The following NWD2 variants were observed in gnomAD, a reference collection of about 807,000 sequenced individuals.
The protein encoded by NWD2 is NACHT and WD repeat domain-containing protein 2.
In NWD2, 37 loss-of-function variants were observed where a neutral mutation model predicts 132.7. The observed-to-expected ratio is 0.28, with a 90% CI of 0.21 to 0.37. NWD2 has a LOEUF of 0.37. Among genes scored for constraint, NWD2 ranks in the 10% least tolerant of loss-of-function variants. The probability of loss-of-function intolerance (pLI) is 1.00; values close to 1 mark genes in which losing one functional copy is unlikely to be tolerated. For synonymous variants in NWD2, 705 were observed against 803.0 expected (o/e 0.88, Z 2.06); for missense variants, 1,592 against 2,122.4 (o/e 0.75, Z 4.91).
intron 1 of NWD2, among the ~76,000 whole-genome samples, chr4:37,253,015 T>A (rs1258393198): frequency 7.1e-6 from 1 of 140,238 alleles, no homozygotes; most frequent in Non-Finnish European, 1.6e-5. Context: ...CCCCCCCTTA[T>A]GTTTTGCAGT....
Position 37,446,112 on chromosome 4 carries a change from C to T in NWD2, c.4124C>T (p.Ser1375Leu). 6.4e-7 allele frequency: 1 copy of T among 1,551,624 alleles called. No homozygotes were observed. The highest frequency in any genetic ancestry group is 2.4e-5 in the East Asian group (1 of 40,914). The change falls in exon 7 of 7, where the codon TCA (serine) becomes TTA (leucine). Residue 1375 changes from serine to leucine, a missense_variant. This residue lies in a region of NWD2 where 1,071 missense variants were observed against 1,398.0 expected (regional missense o/e 0.77). Transcript: ENST00000309447. The surrounding 1 kb of genome is among the most constrained non-coding windows in gnomAD (Gnocchi z 6.7). ...TCCACCGGAGATATAATGGTGACAT[C>T]AGATGACAAAAGCAGCCAGTATGTC... ...LTSTGDIMVTSDDKSSQYVWH... is the reference protein window; with the variant it reads ...LTSTGDIMVTLDDKSSQYVWH...
At chr4:37,251,722 A>G (rs1717363800) in intron 1 of NWD2, among the ~76,000 whole-genome samples, 2 of 152,362 alleles carry the variant, frequency 1.3e-5, no homozygotes, top group South Asian at 4.1e-4. Flanking sequence ...GCAACAAGCA[A>G]GTCTAGGAAC....
chr4:37,409,945 C>A (rs1721120883), intron 3 of NWD2, among the ~76,000 whole-genome samples: 4 of 152,170 alleles, frequency 2.6e-5, no homozygotes, highest in Non-Finnish European at 5.9e-5. Context: ...CCTTTACACA[C>A]AAGCAAATGC....
intron 1 of NWD2, among the ~76,000 whole-genome samples, chr4:37,278,871 A>G (rs564030366): frequency 8.7e-4 from 133 of 152,266 alleles, no homozygotes; most frequent in African/African-American, 3.1e-3. Context: ...CTTAAAAGAG[A>G]AGGGTACACA....
Position 37,445,099 on chromosome 4 carries a change from C to T in NWD2, c.3111C>T (p.Asp1037=). 6.4e-7 allele frequency: 1 copy of T among 1,551,854 alleles called. No individual in the cohort carries two copies. The highest frequency in any genetic ancestry group is 8.7e-7 in the Non-Finnish European group (1 of 1,147,062). The part of the protein sequence containing the change: ...ATTNNTLLIY[D]NVNSCLLSEV... ...CAAATAACACCTTGTTGATTTATGACAATGTCAATTCTTGCCTCCTGTCTG... is the reference window on the plus strand; with the variant it reads ...CAAATAACACCTTGTTGATTTATGATAATGTCAATTCTTGCCTCCTGTCTG... The change falls in exon 7 of 7, where the codon GAC becomes GAT. Residue 1037 remains aspartate (D), a synonymous_variant. Transcript: ENST00000309447. The surrounding 1 kb of genome is among the most constrained non-coding windows in gnomAD (Gnocchi z 4.7).
intron 1 of NWD2, among the ~76,000 whole-genome samples, chr4:37,267,222 T>C (rs1717772127): frequency 6.6e-6 from 1 of 152,092 alleles, no homozygotes; most frequent in Non-Finnish European, 1.5e-5. Context: ...AAAATTATCA[T>C]TGCAGAATAG....
Position 37,391,773 on chromosome 4 carries a change from C to T in NWD2, c.357+35291C>T, listed in dbSNP as rs958928622. ...TGGAGACCTCGCTGGGTGACCCCAT[C>T]GGCCCCCACAAGTCCTGTGCCCTCC... is the stretch of plus-strand genomic sequence containing the variant. On this transcript the variant is annotated intron_variant, in intron 3 of 6. Transcript: ENST00000309447. Among the ~76,000 whole-genome samples the T allele has an allele frequency of 9.2e-5, 14 of 152,208 alleles. No homozygotes were observed. The South Asian group carries it at 1.7e-3, about 18-fold the overall frequency.
chr4:37,355,877 A>G (rs754164888), intron 2 of NWD2, among the ~76,000 whole-genome samples: 43 of 152,064 alleles, frequency 2.8e-4, no homozygotes, highest in Admixed American at 6.5e-5. Context: ...CTCTCCTCAT[A>G]TGATAGAGTG....
intron 3 of NWD2, among the ~76,000 whole-genome samples, chr4:37,398,797 C>A (rs1223934000): frequency 6.6e-6 from 1 of 152,070 alleles, no homozygotes; most frequent in Non-Finnish European, 1.5e-5. Flanking sequence ...TTAAAAGAAA[C>A]AGTAAGTTTT....
rs957416488 is a variant in NWD2 at position 37,295,182 on chromosome 4, G to GT, written c.152-30744dup. On this transcript the variant is annotated intron_variant, in intron 1 of 6. Transcript: ENST00000309447. The stretch of plus-strand genomic sequence containing the variant: ...CTTGCATGACTCAGCTTTCAGCTTA[G>GT]TTTTTTTTTTGTCAGAGTGTGTTGG... Among the ~76,000 whole-genome samples, 638 of 149,094 alleles carry GT rather than the reference G, an allele frequency of 4.3e-3. 9 individuals are homozygous for GT. The highest frequency in any genetic ancestry group is 0.013 in the African/African-American group (521 of 40,784).
chr4:37,252,338 A>G (rs1717394356), intron 1 of NWD2, among the ~76,000 whole-genome samples: 1 of 152,264 alleles, frequency 6.6e-6, no homozygotes, highest in Admixed American at 6.5e-5. Context: ...AACTATATAC[A>G]TGACTTTGCA....
intron 3 of NWD2, among the ~76,000 whole-genome samples, chr4:37,426,132 C>A (rs1712002289): frequency 6.6e-6 from 1 of 152,192 alleles, no homozygotes; most frequent in African/African-American, 2.4e-5. Flanking sequence ...TATCTTAGAA[C>A]TGTAACTACA....
At chr4:37,354,466 C>G (rs1232200697) in intron 2 of NWD2, among the ~76,000 whole-genome samples, 3 of 152,352 alleles carry the variant, frequency 2.0e-5, no homozygotes, top group East Asian at 3.9e-4. Context: ...CCCCCAGGCA[C>G]TCTGTCCCAG....
intron 3 of NWD2, among the ~76,000 whole-genome samples, chr4:37,429,755 C>A (rs1037145840): frequency 6.6e-6 from 1 of 152,200 alleles, no homozygotes; most frequent in Non-Finnish European, 1.5e-5. Context: ...TTACACAATT[C>A]TTTCAAAGAA....
At chr4:37,398,239 G>A (rs1720837403) in intron 3 of NWD2, among the ~76,000 whole-genome samples, 1 of 152,136 alleles carries the variant, frequency 6.6e-6, no homozygotes, top group African/African-American at 2.4e-5. Context: ...ACAAAATGTG[G>A]CACATATACA....
intron 2 of NWD2, among the ~76,000 whole-genome samples, chr4:37,348,453 C>G (rs1719682078): frequency 6.6e-6 from 1 of 151,754 alleles, no homozygotes; most frequent in African/African-American, 2.4e-5. Flanking sequence ...ACATGAGGCC[C>G]TACCACCCTT....
intron 2 of NWD2, among the ~76,000 whole-genome samples, chr4:37,347,472 A>T (rs946769930): frequency 3.5e-4 from 53 of 152,202 alleles, no homozygotes; most frequent in African/African-American, 1.3e-3. Context: ...TACCAATTAA[A>T]TTATACAATT....
At chr4:37,333,576 C>T (rs536086716) in intron 2 of NWD2, among the ~76,000 whole-genome samples, 1 of 152,278 alleles carries the variant, frequency 6.6e-6, no homozygotes, top group Non-Finnish European at 1.5e-5. Flanking sequence ...ACCCAAGTCC[C>T]TTTGAATACC....
intron 3 of NWD2, among the ~76,000 whole-genome samples, chr4:37,365,043 T>C (rs17493398): frequency 0.11 from 16,624 of 152,216 alleles, 1,234 homozygotes; most frequent in South Asian, 0.23. Flanking sequence ...CTCAAACTTA[T>C]AGCATATAGG....
Sources: allele counts gnomAD v4.1 joint callset (sites outside exome capture counted in the v4.1 genomes callset), GRCh38; gene constraint gnomAD v4.1.1; regional missense constraint gnomAD v4.1.1; non-coding constraint Gnocchi (gnomAD v3.1); transcripts MANE v1.5; gene names NCBI Gene and HGNC (gene_info 2026-07-23, HGNC 2026-07-21).